Variants in SPATS2 observed in about 807,000 individuals in gnomAD.
SPATS2 encodes spermatogenesis-associated serine-rich protein 2.
Under a neutral mutation model 63.7 loss-of-function variants are expected in SPATS2, and 38 were observed. The observed-to-expected ratio is 0.60, with a 90% CI of 0.46 to 0.78. SPATS2 has a LOEUF of 0.78. SPATS2 is among the 30% of genes least tolerant of loss of function. The pLI, the probability that SPATS2 is intolerant of heterozygous loss-of-function variation, is 0.00. For synonymous variants in SPATS2, 207 were observed against 232.9 expected (o/e 0.89, Z 1.01); for missense variants, 588 against 666.2 (o/e 0.88, Z 1.29).
chr12:49,493,114 AAAAG>A (rs1214338096), intron 6 of SPATS2, among the ~76,000 whole-genome samples: 17 of 151,424 alleles, frequency 1.1e-4, no homozygotes, highest in Admixed American at 2.6e-4. Context: ...AAAAAAAAAA[AAAAG>A]AAAGAAAGAA....
chr12:49,501,375 C>T (rs1457025157), intron 9 of SPATS2, among the ~76,000 whole-genome samples: 1 of 152,092 alleles, frequency 6.6e-6, no homozygotes, highest in African/African-American at 2.4e-5. Flanking sequence ...GGGCCAAACT[C>T]AATTTTCTAA....
chr12:49,465,237 A>G (rs1237504427), intron 3 of SPATS2, among the ~76,000 whole-genome samples: 1 of 152,186 alleles, frequency 6.6e-6, no homozygotes, highest in Non-Finnish European at 1.5e-5. Context: ...TTAGGAGTGG[A>G]CTTCTTTAAC....
Position 49,494,994 on chromosome 12 carries a change from A to C in SPATS2, c.518A>C (p.Asp173Ala). The C allele has an allele frequency of 1.9e-6, 3 of 1,601,388 alleles. No homozygotes were observed. The highest frequency in any genetic ancestry group is 2.6e-6 in the Non-Finnish European group (3 of 1,173,730). Reference sequence around the variant, plus strand: ...GAGTCTGCCATGCTAGATACGCTGGATAGAACAGGTGAGTTTATTAACAGA... The same window carrying C: ...GAGTCTGCCATGCTAGATACGCTGGCTAGAACAGGTGAGTTTATTAACAGA... ...DPESAMLDTL[D>A]RTGSMLQNGV... The change falls in exon 7 of 14, where the codon GAT (aspartate) becomes GCT (alanine). Residue 173 changes from aspartate (D) to alanine (A), a missense_variant. Transcript: ENST00000552918.
At chr12:49,367,988 G>C (rs1470302229) in intron 1 of SPATS2, among the ~76,000 whole-genome samples, 2 of 152,184 alleles carry the variant, frequency 1.3e-5, no homozygotes, top group African/African-American at 2.4e-5. Flanking sequence ...CCGTGGCTGT[G>C]CGAGGTCCTT....
At chr12:49,508,745 CTT>C (rs543241049) in intron 9 of SPATS2, among the ~76,000 whole-genome samples, 4 of 142,180 alleles carry the variant, frequency 2.8e-5, no homozygotes, top group African/African-American at 2.6e-5. Context: ...CTGGCTCAGC[CTT>C]TTTTTTTTTT....
chr12:49,453,289 GA>G (rs1268943786), intron 2 of SPATS2, among the ~76,000 whole-genome samples: 2 of 151,796 alleles, frequency 1.3e-5, no homozygotes, highest in Non-Finnish European at 2.9e-5. Context: ...CTGCATTTTT[GA>G]ATATCTCATA....
At chr12:49,501,789 G>A (rs952744682) in intron 9 of SPATS2, among the ~76,000 whole-genome samples, 3 of 151,802 alleles carry the variant, frequency 2.0e-5, no homozygotes, top group Non-Finnish European at 4.4e-5. Context: ...CTAATTTTTT[G>A]TGTGTTTTTA....
At chr12:49,449,194 TTC>T (rs1231389016) in intron 2 of SPATS2, among the ~76,000 whole-genome samples, 1 of 152,108 alleles carries the variant, frequency 6.6e-6, no homozygotes, top group African/African-American at 2.4e-5. Context: ...ATTACTGATT[TTC>T]TGTCTGTTTT....
chr12:49,417,420 T>C (rs1944907276), intron 2 of SPATS2, among the ~76,000 whole-genome samples: 1 of 152,210 alleles, frequency 6.6e-6, no homozygotes, highest in African/African-American at 2.4e-5. Context: ...ATTTAGAATG[T>C]AGAGACTGTA....
chr12:49,468,463 T>TG (rs887434166), intron 3 of SPATS2, among the ~76,000 whole-genome samples: 6 of 146,502 alleles, frequency 4.1e-5, no homozygotes, highest in African/African-American at 1.3e-4. Context: ...CCCGGCCTTT[T>TG]TTTTTGTTTT....
chr12:49,503,928 G>C (rs900157762), intron 9 of SPATS2, among the ~76,000 whole-genome samples: 3 of 152,138 alleles, frequency 2.0e-5, no homozygotes, highest in Admixed American at 1.3e-4. Context: ...ATTAGCTGAC[G>C]TAACAACCAG....
chr12:49,448,548 C>G (rs1379181412), intron 2 of SPATS2, among the ~76,000 whole-genome samples: 3 of 151,598 alleles, frequency 2.0e-5, no homozygotes, highest in Admixed American at 6.6e-5. Context: ...TGTGACCAGC[C>G]TGGGCAACAT....
intron 8 of SPATS2, among the ~76,000 whole-genome samples, chr12:49,498,148 A>ATATT (rs975374204): frequency 2.3e-5 from 3 of 129,102 alleles, no homozygotes; most frequent in African/African-American, 1.0e-4. Flanking sequence ...AAAAAAAAAT[A>ATATT]TATATATATA....
intron 2 of SPATS2, among the ~76,000 whole-genome samples, chr12:49,385,620 C>CTT (rs1329889406): frequency 6.6e-6 from 1 of 151,940 alleles, no homozygotes; most frequent in Non-Finnish European, 1.5e-5. Flanking sequence ...TGAAAATTTT[C>CTT]TTACGATTGT....
chr12:49,416,136 T>C (rs1195748106), intron 2 of SPATS2, among the ~76,000 whole-genome samples: 2 of 151,876 alleles, frequency 1.3e-5, no homozygotes, highest in African/African-American at 2.4e-5. Context: ...AAAACAAAAC[T>C]CCGTTTTATC....
intron 9 of SPATS2, among the ~76,000 whole-genome samples, chr12:49,511,794 T>C (rs896619313): frequency 6.6e-6 from 1 of 152,242 alleles, no homozygotes; most frequent in Non-Finnish European, 1.5e-5. Context: ...AAAATGCCTA[T>C]GTTGTTATCC....
chr12:49,418,589 C>T (rs1944930777), intron 2 of SPATS2, among the ~76,000 whole-genome samples: 1 of 152,070 alleles, frequency 6.6e-6, no homozygotes, highest in Non-Finnish European at 1.5e-5. Flanking sequence ...GCATGAGCCA[C>T]CACACCTGGA....
At chr12:49,444,218 T>TG (rs931272974) in intron 2 of SPATS2, among the ~76,000 whole-genome samples, 14 of 148,932 alleles carry the variant, frequency 9.4e-5, no homozygotes, top group East Asian at 1.9e-4. Flanking sequence ...TTGTTGTTGT[T>TG]TTTTTTTTTT....
intron 3 of SPATS2, among the ~76,000 whole-genome samples, chr12:49,476,247 G>A (rs767518815): frequency 1.5e-4 from 23 of 152,102 alleles, no homozygotes; most frequent in Non-Finnish European, 2.6e-4. Context: ...ACAGTCACCC[G>A]CACGCCAGCA....
Sources: allele counts gnomAD v4.1 joint callset (sites outside exome capture counted in the v4.1 genomes callset), GRCh38; gene constraint gnomAD v4.1.1; transcripts MANE v1.5; gene names NCBI Gene and HGNC (gene_info 2026-07-23, HGNC 2026-07-21).